Variants in RAD51B observed in about 807,000 individuals in gnomAD.
RAD51B encodes DNA repair protein RAD51 homolog 2.
Under a neutral mutation model 42.2 loss-of-function variants are expected in RAD51B, and 38 were observed. That is an observed-to-expected ratio of 0.90 (90% CI 0.70 to 1.18). RAD51B has a LOEUF of 1.18. Ranked by LOEUF, RAD51B falls within the 50% of genes most tolerant of loss-of-function variation. RAD51B has a pLI of 0.00. For missense variants in RAD51B, 373 were observed against 400.7 expected (o/e 0.93, Z 0.59); for synonymous variants, 154 against 145.2 (o/e 1.06, Z -0.43).
At chr14:68,166,531 T>C (rs1263875317) in intron 7 of RAD51B, among the ~76,000 whole-genome samples, 1 of 152,222 alleles carries the variant, frequency 6.6e-6, no homozygotes, top group Non-Finnish European at 1.5e-5. Context: ...TAAATATTTT[T>C]AGCTGTGAAT....
intron 7 of RAD51B, among the ~76,000 whole-genome samples, chr14:68,058,951 T>G (rs2076524068): frequency 6.6e-6 from 1 of 152,148 alleles, no homozygotes; most frequent in Admixed American, 6.5e-5. Flanking sequence ...ACAAGAGACA[T>G]CAAATATACC....
At chr14:68,533,645 TGA>T (rs1887446108) in intron 10 of RAD51B, among the ~76,000 whole-genome samples, 1 of 151,776 alleles carries the variant, frequency 6.6e-6, no homozygotes, top group Admixed American at 6.6e-5. Flanking sequence ...GATCATCAGT[TGA>T]GAGGGGATGA....
intron 5 of RAD51B, among the ~76,000 whole-genome samples, chr14:67,874,141 C>T (rs538544929): frequency 1.3e-4 from 19 of 151,492 alleles, no homozygotes; most frequent in Middle Eastern, 6.8e-3. Flanking sequence ...AGAAGAAAAC[C>T]CAGGAGATGA....
intron 7 of RAD51B, among the ~76,000 whole-genome samples, chr14:68,285,204 T>C (rs2081390751): frequency 6.6e-6 from 1 of 152,176 alleles, no homozygotes; most frequent in Non-Finnish European, 1.5e-5. Context: ...CCGGTCTCTG[T>C]CTCCTTAAAA....
chr14:67,923,599 G>A (rs2044405930), intron 7 of RAD51B, among the ~76,000 whole-genome samples: 3 of 152,084 alleles, frequency 2.0e-5, no homozygotes, highest in Admixed American at 2.0e-4. Context: ...GCGACCAGCA[G>A]TATATCACAT....
intron 7 of RAD51B, among the ~76,000 whole-genome samples, chr14:68,141,477 A>G (rs914080250): frequency 1.2e-4 from 19 of 152,228 alleles, no homozygotes; most frequent in Admixed American, 9.2e-4. Flanking sequence ...AAGAGAGACC[A>G]GCTTAATCAT....
intron 10 of RAD51B, among the ~76,000 whole-genome samples, chr14:68,518,244 T>C (rs966143801): frequency 6.6e-6 from 1 of 152,186 alleles, no homozygotes; most frequent in African/African-American, 2.4e-5. Context: ...ATGGTTGTTT[T>C]CCATTCTTGT....
At chr14:68,275,791 T>A (rs2081209354) in intron 7 of RAD51B, among the ~76,000 whole-genome samples, 1 of 120,208 alleles carries the variant, frequency 8.3e-6, no homozygotes, top group Admixed American at 8.3e-5. Context: ...TGAAACTAGC[T>A]CTCCACACAC....
At chr14:68,679,523 A>G (rs1470643238) in intron 11 of RAD51B, among the ~76,000 whole-genome samples, 1 of 152,076 alleles carries the variant, frequency 6.6e-6, no homozygotes, top group South Asian at 2.1e-4. Flanking sequence ...TTTCCCCTCA[A>G]CCTCAGTTCT....
intron 4 of RAD51B, among the ~76,000 whole-genome samples, chr14:67,851,978 C>T (rs1407656613): frequency 6.6e-6 from 1 of 152,048 alleles, no homozygotes; most frequent in Non-Finnish European, 1.5e-5. Flanking sequence ...CAGCTGCATC[C>T]TGCTGGAGGT....
intron 7 of RAD51B, among the ~76,000 whole-genome samples, chr14:68,109,956 G>A (rs1454143549): frequency 6.6e-6 from 1 of 151,900 alleles, no homozygotes; most frequent in African/African-American, 2.4e-5. Context: ...TGGTTTAACT[G>A]AACATAGAAA....
intron 4 of RAD51B, among the ~76,000 whole-genome samples, chr14:67,860,163 A>G (rs1014557116): frequency 2.6e-5 from 4 of 152,202 alleles, no homozygotes; most frequent in African/African-American, 9.7e-5. Flanking sequence ...GAGAAGTTGC[A>G]TAGAAATCTT....
At chr14:68,518,562 C>CA (rs1045480345) in intron 10 of RAD51B, among the ~76,000 whole-genome samples, 3 of 150,644 alleles carry the variant, frequency 2.0e-5, no homozygotes, top group East Asian at 2.0e-4. Flanking sequence ...GAGCCCCCCC[C>CA]CCAGGCCTCC....
At chr14:67,942,943 A>G (rs572347936) in intron 7 of RAD51B, among the ~76,000 whole-genome samples, 3 of 152,210 alleles carry the variant, frequency 2.0e-5, no homozygotes, top group Admixed American at 1.3e-4. Context: ...CTTTCTTGGT[A>G]CGTTCTTTTG....
intron 10 of RAD51B, among the ~76,000 whole-genome samples, chr14:68,504,277 G>A (rs78627154): frequency 6.6e-6 from 1 of 152,066 alleles, no homozygotes; most frequent in African/African-American, 2.4e-5. Flanking sequence ...GGGGTAGGGG[G>A]ATCTGAAGGT....
intron 8 of RAD51B, among the ~76,000 whole-genome samples, chr14:68,332,500 G>A (rs144047877): frequency 6.6e-6 from 1 of 152,218 alleles, no homozygotes; most frequent in East Asian, 1.9e-4. Context: ...ACCTCTATAG[G>A]GTGCATGGCT....
In RAD51B at chr14:68,276,652, T is replaced by G. The variant is rs2081231030; in HGVS notation, c.757-15232T>G. The stretch of plus-strand genomic sequence containing the variant: ...GAAGGAAAAGAATGTGTAGGGGAAT[T>G]AGTATGGAACTGGAGTGAGAAGAAC... On this transcript the variant is annotated intron_variant, in intron 7 of 10. Transcript: ENST00000471583. Among the ~76,000 whole-genome samples the G allele has an allele frequency of 2.0e-5, 3 of 152,144 alleles. No homozygotes were observed. In the South Asian group the frequency reaches 6.2e-4, roughly 32 times the overall value.
intron 10 of RAD51B, among the ~76,000 whole-genome samples, chr14:68,506,609 C>T (rs573566759): frequency 6.6e-6 from 1 of 152,174 alleles, no homozygotes; most frequent in Non-Finnish European, 1.5e-5. Context: ...TGTGCTGGAT[C>T]GTGCTGAGTG....
At chr14:68,339,827 G>C (rs747465265) in intron 8 of RAD51B, among the ~76,000 whole-genome samples, 1 of 152,172 alleles carries the variant, frequency 6.6e-6, no homozygotes, top group Non-Finnish European at 1.5e-5. Flanking sequence ...AAGTTGAAAA[G>C]TAGTACAGTA....
Sources: gnomAD v4.1 joint callset for allele counts (sites outside exome capture counted in the v4.1 genomes callset) on GRCh38, gnomAD v4.1.1 for gene constraint, MANE v1.5 for transcripts, NCBI Gene and HGNC (gene_info 2026-07-23, HGNC 2026-07-21) for gene names.